The following HIVEP3 variants were observed in gnomAD, a reference collection of about 807,000 sequenced individuals.
The protein encoded by HIVEP3 is HIVEP zinc finger 3, also known as transcription factor HIVEP3.
A neutral mutation model predicts 152.8 loss-of-function variants in HIVEP3; 49 were observed. That is an observed-to-expected ratio of 0.32 (90% CI 0.26 to 0.41). The LOEUF (loss-of-function observed/expected upper bound fraction) is 0.41, where lower values mean the gene tolerates loss of function less well. Among genes scored for constraint, HIVEP3 ranks in the 10% least tolerant of loss-of-function variants. The pLI is 1.00. For missense variants in HIVEP3, 2,790 were observed against 3,103.3 expected (o/e 0.90, Z 2.40); for synonymous variants, 1,269 against 1,289.0 (o/e 0.98, Z 0.33).
chr1:41,733,781 C>A (rs2124191231), intron 1 of HIVEP3, among the ~76,000 whole-genome samples: 1 of 152,306 alleles, frequency 6.6e-6, no homozygotes, highest in South Asian at 2.1e-4. Context: ...CTCCCTGGCT[C>A]CTCACTCTCT....
chr1:42,025,987 T>C (rs1274143338), intron 1 of HIVEP3, among the ~76,000 whole-genome samples: 1 of 151,930 alleles, frequency 6.6e-6, no homozygotes, highest in Non-Finnish European at 1.5e-5. Flanking sequence ...AGAGGATCAC[T>C]TGAACCCAGG....
At chr1:41,756,163 G>A (rs767661455) in intron 1 of HIVEP3, among the ~76,000 whole-genome samples, 34 of 152,234 alleles carry the variant, frequency 2.2e-4, no homozygotes, top group Non-Finnish European at 3.5e-4. Context: ...TACAGATCTC[G>A]GATAAATATT....
chr1:41,729,238 C>T (rs1646803103), intron 1 of HIVEP3, among the ~76,000 whole-genome samples: 1 of 152,234 alleles, frequency 6.6e-6, no homozygotes. Context: ...CCGGCAGCCC[C>T]TTTCCCTGCC....
chr1:41,745,815 A>G (rs1647063267), intron 1 of HIVEP3, among the ~76,000 whole-genome samples: 1 of 152,242 alleles, frequency 6.6e-6, no homozygotes, highest in African/African-American at 2.4e-5. Flanking sequence ...ACCGGAGGGA[A>G]TATAACACAT....
chr1:41,510,572 G>A lies in HIVEP3; in HGVS notation c.7100C>T (p.Ala2367Val), dbSNP rs1172982733. Residue 2367 changes from alanine to valine, a missense_variant, in exon 9 of 9, where the codon GCC becomes GTC. By Grantham distance (64) the Ala-to-Val change is moderately conservative. Coordinates refer to ENST00000372583, the MANE Select transcript of HIVEP3 (RefSeq NM_024503.5). ...TTCCCCGGAGAGGTTCCTCGTCCGG[G>A]CTGGGAAGCGGGCAGAGGCCTCTGC... ...CLAEASARFPARTRNLSGEPR... is the reference protein window; with the variant it reads ...CLAEASARFPVRTRNLSGEPR... The A allele has an allele frequency of 6.4e-7, 1 of 1,562,340 alleles. No individual in the cohort carries two copies.
intron 1 of HIVEP3, among the ~76,000 whole-genome samples, chr1:41,702,385 T>C (rs1017509102): frequency 1.4e-4 from 21 of 152,338 alleles, no homozygotes; most frequent in Middle Eastern, 3.4e-3. Flanking sequence ...AATAGAGTTA[T>C]TTGTATCCAC....
intron 1 of HIVEP3, among the ~76,000 whole-genome samples, chr1:41,905,189 A>T (rs1415900148): frequency 1.3e-5 from 2 of 152,196 alleles, no homozygotes; most frequent in South Asian, 2.1e-4. Flanking sequence ...GGGATCCCTT[A>T]TAGTTTATAG....
chr1:41,632,773 T>TA (rs988170548), intron 2 of HIVEP3, among the ~76,000 whole-genome samples: 3 of 149,718 alleles, frequency 2.0e-5, no homozygotes, highest in African/African-American at 4.9e-5. Flanking sequence ...AAAAAAAGAA[T>TA]AAAAAAAAGA....
At chr1:41,774,748 T>C (rs943293996) in intron 1 of HIVEP3, among the ~76,000 whole-genome samples, 3 of 151,836 alleles carry the variant, frequency 2.0e-5, no homozygotes, top group Non-Finnish European at 4.4e-5. Context: ...GAATTTTCAC[T>C]TAAGTTTTCA....
At chr1:41,792,955 G>A (rs1352027467) in intron 1 of HIVEP3, among the ~76,000 whole-genome samples, 2 of 152,196 alleles carry the variant, frequency 1.3e-5, no homozygotes, top group Non-Finnish European at 1.5e-5. Flanking sequence ...GTGGGGAGAG[G>A]AGAATGTTCA....
chr1:42,006,234 G>A (rs994133591), intron 1 of HIVEP3, among the ~76,000 whole-genome samples: 1 of 152,144 alleles, frequency 6.6e-6, no homozygotes, highest in Admixed American at 6.5e-5. Flanking sequence ...ATGTGTTGGT[G>A]TGAGGGGTGG....
chr1:41,514,533 T>G (rs1642546690), intron 7 of HIVEP3, among the ~76,000 whole-genome samples: 1 of 152,208 alleles, frequency 6.6e-6, no homozygotes, highest in Admixed American at 6.5e-5. Context: ...TTGACTAAGC[T>G]GGCCTCAGGC....
At chr1:41,832,653 C>T (rs611628) in intron 1 of HIVEP3, among the ~76,000 whole-genome samples, 57,949 of 152,104 alleles carry the variant, frequency 0.38, 12,620 homozygotes, top group East Asian at 0.8. Flanking sequence ...GTCTTTGAGC[C>T]AGCACAAAGC....
intron 1 of HIVEP3, among the ~76,000 whole-genome samples, chr1:41,990,677 C>T (rs2124516418): frequency 6.6e-6 from 1 of 151,808 alleles, no homozygotes; most frequent in East Asian, 1.9e-4. Flanking sequence ...GAACTCTCCA[C>T]CACAAATCAA....
chr1:41,866,622 C>T (rs1398997936), intron 1 of HIVEP3, among the ~76,000 whole-genome samples: 4 of 152,208 alleles, frequency 2.6e-5, no homozygotes, highest in Non-Finnish European at 4.4e-5. Flanking sequence ...TTCCCAGTTC[C>T]GTTCCTTTCT....
chr1:41,578,319 C>T (rs1036809609), intron 4 of HIVEP3, among the ~76,000 whole-genome samples: 6 of 152,138 alleles, frequency 3.9e-5, no homozygotes, highest in African/African-American at 1.4e-4. Flanking sequence ...GGAGTGGCCA[C>T]AGCTAGTAAG....
At chr1:41,754,976 T>C (rs1482824763) in intron 1 of HIVEP3, among the ~76,000 whole-genome samples, 1 of 152,020 alleles carries the variant, frequency 6.6e-6, no homozygotes, top group Admixed American at 6.6e-5. Flanking sequence ...AAAAAGTACA[T>C]GCCAAAGGAA....
chr1:41,850,657 T>C (rs908084196), intron 1 of HIVEP3, among the ~76,000 whole-genome samples: 3 of 152,206 alleles, frequency 2.0e-5, no homozygotes, highest in Non-Finnish European at 2.9e-5. Flanking sequence ...GGCCATGCCA[T>C]GGTCATTTCT....
At chr1:41,926,576 G>A (rs1557525994) in intron 1 of HIVEP3, among the ~76,000 whole-genome samples, 1 of 152,062 alleles carries the variant, frequency 6.6e-6, no homozygotes, top group Non-Finnish European at 1.5e-5. Context: ...TCAAAATAAG[G>A]TCCAAATGAA....
Sources: gnomAD v4.1 joint callset for allele counts (sites outside exome capture counted in the v4.1 genomes callset) on GRCh38, gnomAD v4.1.1 for gene constraint, MANE v1.5 for transcripts, NCBI Gene and HGNC (gene_info 2026-07-23, HGNC 2026-07-21) for gene names.